RAP1GDS1: variants seen among roughly 807,000 people sequenced by gnomAD.
RAP1GDS1 encodes the protein Rap1 GTPase-GDP dissociation stimulator 1.
Under a neutral mutation model 71.1 loss-of-function variants are expected in RAP1GDS1, and 35 were observed. The ratio of observed to expected loss-of-function variants is 0.49; its 90% CI spans 0.38 to 0.65. The LOEUF is 0.65. Ranked by LOEUF, RAP1GDS1 falls within the 30% of genes least tolerant of loss-of-function variation. RAP1GDS1 has a pLI of 0.00. For missense variants in RAP1GDS1, 663 were observed against 706.1 expected (o/e 0.94, Z 0.69); for synonymous variants, 229 against 243.1 (o/e 0.94, Z 0.54).
At chr4:98,291,071 CAAG>C (rs1402462967) in intron 1 of RAP1GDS1, among the ~76,000 whole-genome samples, 1 of 151,978 alleles carries the variant, frequency 6.6e-6, no homozygotes, top group Non-Finnish European at 1.5e-5. Context: ...AGATATCAAA[CAAG>C]AGGATTGAGA....
chr4:98,365,134 C>T (rs1474591890), intron 4 of RAP1GDS1, among the ~76,000 whole-genome samples: 4 of 152,132 alleles, frequency 2.6e-5, no homozygotes, highest in African/African-American at 7.2e-5. Flanking sequence ...CTTTTAAACT[C>T]ATTGGGAATA....
intron 4 of RAP1GDS1, among the ~76,000 whole-genome samples, chr4:98,376,415 A>G (rs1160208110): frequency 2.0e-5 from 3 of 152,036 alleles, no homozygotes; most frequent in African/African-American, 7.2e-5. Flanking sequence ...TGGAAAACCA[A>G]TTTATATGGA....
Position 98,421,285 on chromosome 4 carries a change from T to C in RAP1GDS1, c.1331T>C (p.Val444Ala), listed in dbSNP as rs1476534148. Residue 444 changes from valine to alanine, a missense_variant, in exon 12 of 15, where the codon GTT (valine) becomes GCT (alanine). Val to Ala is a moderately conservative substitution (Grantham distance 64, BLOSUM62 0). Transcript: ENST00000408927. ...GCTGCTGAACAATTGGGAAAGAATG[T>C]TAAGTTAGTGGAGCGTTTGGTGGAA... ...AEAAEQLGKN[V>A]KLVERLVEWC... The C allele has an allele frequency of 1.9e-6, 3 of 1,610,522 alleles. No homozygotes were observed. In the Admixed American group the frequency reaches 5.0e-5, roughly 27 times the overall value.
chr4:98,362,505 G>A (rs945587996), intron 4 of RAP1GDS1, among the ~76,000 whole-genome samples: 6 of 151,870 alleles, frequency 4.0e-5, no homozygotes, highest in African/African-American at 1.5e-4. Context: ...ATGTAGGTAT[G>A]TCTATTACCA....
chr4:98,277,955 G>A (rs1407705785), intron 1 of RAP1GDS1, among the ~76,000 whole-genome samples: 1 of 152,218 alleles, frequency 6.6e-6, no homozygotes, highest in Non-Finnish European at 1.5e-5. Context: ...CTAGCCAAGT[G>A]GTGGCTTACG....
chr4:98,344,945 C>G (rs1390314109), intron 3 of RAP1GDS1, among the ~76,000 whole-genome samples: 2 of 152,148 alleles, frequency 1.3e-5, no homozygotes, highest in Admixed American at 6.5e-5. Flanking sequence ...CTATCTCAGC[C>G]TCCTGAGTAG....
chr4:98,404,380 A>G, intron 6 of RAP1GDS1, 97 bp from the exon 7 acceptor site: 1 of 1,170,540 alleles, frequency 8.5e-7, no homozygotes, highest in Non-Finnish European at 1.2e-6. Context: ...GAGTATTTGT[A>G]TTTATCAGTA....
At chr4:98,441,785 T>A in intron 14 of RAP1GDS1, 1 of 583,492 alleles carries the variant, frequency 1.7e-6, no homozygotes, top group Admixed American at 6.3e-5. Context: ...TTTCCTTTAA[T>A]TTAAAAAAAA....
At chr4:98,378,934 A>G (rs1741573652) in intron 4 of RAP1GDS1, 83 bp from the exon 5 acceptor site, 2 of 1,254,432 alleles carry the variant, frequency 1.6e-6, no homozygotes, top group African/African-American at 1.6e-5. Context: ...AAAATAAAGA[A>G]TAACACTGTT....
rs544716157 is a variant in RAP1GDS1 at position 98,276,926 on chromosome 4, T to C, written c.4+15357T>C. On this transcript the variant is annotated intron_variant, in intron 1 of 14. Coordinates refer to ENST00000408927, the MANE Select transcript of RAP1GDS1 (RefSeq NM_001100427.2). ...GATCTGGAACCTCAAATGATGATAT[T>C]ATGGTTCTCTCTCTACTTGGCTAGA... 5.9e-5 allele frequency among the ~76,000 whole-genome samples: 9 copies of C among 152,266 alleles called. 1 individual carries two copies. In the East Asian group the frequency reaches 7.7e-4, roughly 13 times the overall value.
chr4:98,390,767 C>T (rs1020040902), intron 5 of RAP1GDS1, among the ~76,000 whole-genome samples: 1 of 152,086 alleles, frequency 6.6e-6, no homozygotes, highest in Non-Finnish European at 1.5e-5. Flanking sequence ...ATTAGCAGGC[C>T]AACCCTGCCA....
intron 7 of RAP1GDS1, among the ~76,000 whole-genome samples, chr4:98,414,078 T>A (rs1747526447): frequency 6.6e-6 from 1 of 151,576 alleles, no homozygotes; most frequent in South Asian, 2.1e-4. Context: ...TTTTTTCTTG[T>A]AAATTTGTTT....
chr4:98,354,352 G>A (rs1429685119), intron 4 of RAP1GDS1, among the ~76,000 whole-genome samples: 1 of 152,136 alleles, frequency 6.6e-6, no homozygotes. Flanking sequence ...GTGAGCCACC[G>A]CGCCCAGCCC....
intron 1 of RAP1GDS1, among the ~76,000 whole-genome samples, chr4:98,271,431 C>A (rs1481315688): frequency 6.6e-6 from 1 of 152,052 alleles, no homozygotes; most frequent in Non-Finnish European, 1.5e-5. Context: ...TGTAAATACT[C>A]CCCCCATGGC....
intron 2 of RAP1GDS1, among the ~76,000 whole-genome samples, chr4:98,319,889 C>T (rs151002213): frequency 1.4e-3 from 216 of 152,122 alleles, no homozygotes; most frequent in African/African-American, 4.7e-3. Flanking sequence ...CCTCTCCTTC[C>T]GTCTTCTCCA....
chr4:98,278,152 T>C (rs1438714886), intron 1 of RAP1GDS1, among the ~76,000 whole-genome samples: 2 of 152,054 alleles, frequency 1.3e-5, no homozygotes, highest in African/African-American at 4.8e-5. Context: ...TGAGCCAAGA[T>C]AGAGCCACCG....
rs114851843 is a variant in RAP1GDS1, at chr4:98,365,497, C to G, written c.361+12896C>G. On this transcript the variant is annotated intron_variant, in intron 4 of 14. Coordinates refer to ENST00000408927, the MANE Select transcript of RAP1GDS1 (RefSeq NM_001100427.2). ...AATTGGCCTGTTGTGGTGGCATGCA[C>G]CTATAGACCCTGCTACTTGGGAGGC... 7.9e-3 allele frequency among the ~76,000 whole-genome samples: 1,205 copies of G among 151,674 alleles called. 16 individuals carry two copies. The highest frequency in any genetic ancestry group is 0.028 in the African/African-American group (1,152 of 41,426).
At chr4:98,339,782 G>T (rs1176534824) in intron 2 of RAP1GDS1, among the ~76,000 whole-genome samples, 1 of 152,200 alleles carries the variant, frequency 6.6e-6, no homozygotes, top group Non-Finnish European at 1.5e-5. Context: ...ATACAAGCTG[G>T]AATAGCTATT....
chr4:98,330,775 G>A (rs1258080412), intron 2 of RAP1GDS1, among the ~76,000 whole-genome samples: 2 of 151,646 alleles, frequency 1.3e-5, no homozygotes, highest in African/African-American at 4.8e-5. Context: ...CTTCCTAGAT[G>A]GGGTGGTGGC....
Sources: gnomAD v4.1 joint callset for allele counts (sites outside exome capture counted in the v4.1 genomes callset) on GRCh38, gnomAD v4.1.1 for gene constraint, MANE v1.5 for transcripts, NCBI Gene and HGNC (gene_info 2026-07-23, HGNC 2026-07-21) for gene names.